The following CPNE4 variants were observed in gnomAD, a reference collection of about 807,000 sequenced individuals.
CPNE4 encodes the protein copine 4.
In CPNE4, 25 loss-of-function variants were observed where a neutral mutation model predicts 67.9. The ratio of observed to expected loss-of-function variants is 0.37; its 90% CI spans 0.27 to 0.51. The LOEUF (loss-of-function observed/expected upper bound fraction) is 0.51, where lower values mean the gene tolerates loss of function less well. Ranked by LOEUF, CPNE4 falls within the 20% of genes least tolerant of loss-of-function variation. CPNE4 has a pLI of 0.93. For missense variants in CPNE4, 464 were observed against 690.8 expected, an observed-to-expected ratio of 0.67 and a Z score of 3.68; for synonymous variants, 242 against 244.9, an observed-to-expected ratio of 0.99 and a Z score of 0.11.
intron 1 of CPNE4, among the ~76,000 whole-genome samples, chr3:131,924,643 T>C (rs1244689584): frequency 6.6e-6 from 1 of 152,168 alleles, no homozygotes; most frequent in Admixed American, 6.5e-5. Context: ...CTAATATGCA[T>C]CAAAATTTGA....
rs75148624 is a variant in CPNE4, at chr3:131,730,932, T to C, written c.181-7307A>G. ...TTATGGTACTTTGCTATGGCAACCC[T>C]GGTAAACAAATACACCATTCTACTT... On this transcript the variant is annotated intron_variant, in intron 2 of 15. Transcript: ENST00000429747. Among the ~76,000 whole-genome samples, 204 of 152,306 alleles carry C rather than the reference T, an allele frequency of 1.3e-3. 6 individuals are homozygous for C. The East Asian group carries it at 0.032, about 24-fold the overall frequency.
At chr3:131,601,757 T>C (rs1939219329) in intron 7 of CPNE4, among the ~76,000 whole-genome samples, 1 of 152,128 alleles carries the variant, frequency 6.6e-6, no homozygotes, top group Non-Finnish European at 1.5e-5. Context: ...GGCTCTCTTC[T>C]TCCCTCAGAT....
chr3:131,814,297 C>G (rs1054505297), intron 2 of CPNE4, among the ~76,000 whole-genome samples: 3 of 152,212 alleles, frequency 2.0e-5, no homozygotes, highest in Admixed American at 2.0e-4. Context: ...AGAAATAAGG[C>G]TAACAGAGCA....
chr3:131,593,146 A>T (rs754266988), intron 7 of CPNE4, among the ~76,000 whole-genome samples: 1 of 152,222 alleles, frequency 6.6e-6, no homozygotes, highest in African/African-American at 2.4e-5. Flanking sequence ...TAAAGTAAAG[A>T]AGGTTTTGTG....
At chr3:131,846,935 C>A (rs982590118) in intron 2 of CPNE4, among the ~76,000 whole-genome samples, 1 of 152,182 alleles carries the variant, frequency 6.6e-6, no homozygotes, top group Admixed American at 6.5e-5. Context: ...CTTCCATGAT[C>A]TTTGCTTCTG....
Position 131,771,353 on chromosome 3 carries a change from G to A in CPNE4, c.181-47728C>T, listed in dbSNP as rs557534024. The stretch of plus-strand genomic sequence containing the variant: ...CCCTCCAAACCTCATGTTGAAACTC[G>A]ATCCGAATGTTGAGGGTGGGACCTA... On this transcript the variant is annotated intron_variant, in intron 2 of 15. Coordinates refer to ENST00000429747, the MANE Select transcript of CPNE4 (RefSeq NM_130808.3). Among the ~76,000 whole-genome samples, 5 of 152,086 alleles carry A rather than the reference G, an allele frequency of 3.3e-5. No homozygotes were observed. The South Asian group carries it at 8.3e-4, about 25-fold the overall frequency.
chr3:131,818,835 C>T (rs2084848031), intron 2 of CPNE4, among the ~76,000 whole-genome samples: 1 of 152,188 alleles, frequency 6.6e-6, no homozygotes, highest in Non-Finnish European at 1.5e-5. Context: ...GGTGTGGTGG[C>T]TCATGCCTGT....
At chr3:131,656,657 G>A (rs1163345307) in intron 7 of CPNE4, among the ~76,000 whole-genome samples, 1 of 152,198 alleles carries the variant, frequency 6.6e-6, no homozygotes, top group Non-Finnish European at 1.5e-5. Flanking sequence ...AATTACATAG[G>A]CCAGTTCCTT....
At chr3:131,897,547 C>T (rs1398189825) in intron 2 of CPNE4, among the ~76,000 whole-genome samples, 1 of 151,984 alleles carries the variant, frequency 6.6e-6, no homozygotes, top group African/African-American at 2.4e-5. Context: ...TACTTAACAC[C>T]TCTGTGCCTC....
At chr3:131,773,481 G>A (rs1187187975) in intron 2 of CPNE4, among the ~76,000 whole-genome samples, 1 of 151,898 alleles carries the variant, frequency 6.6e-6, no homozygotes, top group Non-Finnish European at 1.5e-5. Context: ...CCAAGTAGTT[G>A]GGACCACAGG....
At chr3:131,800,117 G>A (rs1255679149) in intron 2 of CPNE4, among the ~76,000 whole-genome samples, 1 of 152,020 alleles carries the variant, frequency 6.6e-6, no homozygotes, top group Non-Finnish European at 1.5e-5. Context: ...TACCAGATAG[G>A]TAGTTTTTAA....
chr3:131,768,967 A>G, intron 2 of CPNE4, among the ~76,000 whole-genome samples: 1 of 152,198 alleles, frequency 6.6e-6, no homozygotes, highest in Non-Finnish European at 1.5e-5. Context: ...GGCAGAGCCA[A>G]TTGTAATTAT....
chr3:131,883,723 G>A (rs1425125493), intron 2 of CPNE4, among the ~76,000 whole-genome samples: 1 of 149,426 alleles, frequency 6.7e-6, no homozygotes, highest in Non-Finnish European at 1.5e-5. Context: ...TTATTATTGT[G>A]GTAAGAACAC....
At chr3:131,617,732 A>G (rs1940241791) in intron 7 of CPNE4, among the ~76,000 whole-genome samples, 1 of 152,200 alleles carries the variant, frequency 6.6e-6, no homozygotes, top group Non-Finnish European at 1.5e-5. Context: ...AAATTAAGTC[A>G]TAATTTCCAC....
intron 2 of CPNE4, among the ~76,000 whole-genome samples, chr3:131,772,795 A>C (rs757930217): frequency 4.6e-5 from 7 of 152,036 alleles, no homozygotes; most frequent in Non-Finnish European, 1.0e-4. Context: ...TATAGACTAC[A>C]TCATGAATGT....
At chr3:131,911,543 T>TTTTGTG (rs1202127865) in intron 1 of CPNE4, among the ~76,000 whole-genome samples, 11 of 145,956 alleles carry the variant, frequency 7.5e-5, no homozygotes, top group Admixed American at 3.5e-4. Flanking sequence ...GCACTCCAAG[T>TTTTGTG]TGTGTGTGTG....
In CPNE4 at chr3:131,837,391, G is replaced by C. The variant is rs567693580; in HGVS notation, c.180+67873C>G. Among the ~76,000 whole-genome samples the C allele has an allele frequency of 2.0e-5, 3 of 152,152 alleles. No individual in the cohort carries two copies. In the East Asian group the frequency reaches 5.8e-4, roughly 29 times the overall value. The stretch of plus-strand genomic sequence containing the variant: ...GGGACAAACTATTGATACCCAAAAA[G>C]GATGGCTCTGAAGACATTATTCTGA... On this transcript the variant is annotated intron_variant, in intron 2 of 15. Coordinates refer to ENST00000429747, the MANE Select transcript of CPNE4 (RefSeq NM_130808.3).
At chr3:131,790,765 C>T (rs1405563197) in intron 2 of CPNE4, among the ~76,000 whole-genome samples, 1 of 152,106 alleles carries the variant, frequency 6.6e-6, no homozygotes, top group African/African-American at 2.4e-5. Context: ...GAAAAAAACC[C>T]CACTGATTTG....
intron 1 of CPNE4, among the ~76,000 whole-genome samples, chr3:131,984,112 C>T (rs1436671830): frequency 6.6e-6 from 1 of 152,158 alleles, no homozygotes. Context: ...CACTATAACA[C>T]ATTAGCTAGG....
Sources: gnomAD v4.1 joint callset for allele counts (sites outside exome capture counted in the v4.1 genomes callset) on GRCh38, gnomAD v4.1.1 for gene constraint, MANE v1.5 for transcripts, NCBI Gene and HGNC (gene_info 2026-07-23, HGNC 2026-07-21) for gene names.